HEATR5A: variants seen among roughly 807,000 people sequenced by gnomAD.
The protein encoded by HEATR5A is HEAT repeat-containing protein 5A.
HEATR5A carries 178 observed loss-of-function variants against 218.8 expected under a neutral mutation model. That is an observed-to-expected ratio of 0.81 (90% CI 0.72 to 0.92). The LOEUF (loss-of-function observed/expected upper bound fraction) is 0.92, where lower values mean the gene tolerates loss of function less well. Among genes scored for constraint, HEATR5A ranks in the 40% least tolerant of loss-of-function variants. The probability of loss-of-function intolerance (pLI) is 0.00; values close to 1 mark genes in which losing one functional copy is unlikely to be tolerated. For missense variants in HEATR5A, 2,420 were observed against 2,418.9 expected (o/e 1.00, Z -0.01); for synonymous variants, 864 against 871.6 (o/e 0.99, Z 0.15).
At chr14:31,366,559 G>A (rs1480466449) in intron 13 of HEATR5A, among the ~76,000 whole-genome samples, 1 of 152,092 alleles carries the variant, frequency 6.6e-6, no homozygotes, top group Admixed American at 6.6e-5. Flanking sequence ...CATTTTTATT[G>A]GTTTCTGCGT....
At chr14:31,382,864 C>T (rs1177274419) in intron 10 of HEATR5A, among the ~76,000 whole-genome samples, 4 of 150,978 alleles carry the variant, frequency 2.6e-5, no homozygotes, top group Non-Finnish European at 5.9e-5. Context: ...CCTTAAGTTA[C>T]CTCTTTTTAA....
At chr14:31,407,545 G>A (rs1363166169) in intron 1 of HEATR5A, among the ~76,000 whole-genome samples, 1 of 112,592 alleles carries the variant, frequency 8.9e-6, no homozygotes. Context: ...GTTCCAAGGA[G>A]AAACATTAAC....
chr14:31,326,251 C>A lies in HEATR5A; in HGVS notation c.3459G>T (p.Glu1153Asp), dbSNP rs1347819424. 2 of 1,613,112 alleles carry A rather than the reference C, an allele frequency of 1.2e-6. No individual in the cohort carries two copies. The highest frequency in any genetic ancestry group is 1.7e-6 in the Non-Finnish European group (2 of 1,179,234). ...TDERLCHDIK[E>D]TLNYMLTSMA... Reference sequence around the variant, plus strand: ...TAGATGTAAGCATATAATTTAAAGTCTCTTTGATATCATGGCATAATCTCT... The same window carrying A: ...TAGATGTAAGCATATAATTTAAAGTATCTTTGATATCATGGCATAATCTCT... Residue 1153 changes from glutamate to aspartate, a missense_variant, in exon 23 of 36, where the codon GAG becomes GAT. Transcript: ENST00000543095.
chr14:31,391,756 T>C (rs999666660), intron 6 of HEATR5A, among the ~76,000 whole-genome samples: 4 of 152,188 alleles, frequency 2.6e-5, no homozygotes, highest in Non-Finnish European at 5.9e-5. Flanking sequence ...TACTGTTCCT[T>C]TTCTATATTT....
In HEATR5A at chr14:31,296,082, T is replaced by C. The variant is rs1465217033; in HGVS notation, c.5465-19A>G. 8 of 1,606,634 alleles carry C rather than the reference T, an allele frequency of 5.0e-6. No homozygotes were observed. Among genetic ancestry groups the C allele is most frequent in the Non-Finnish European group, 6.8e-6 (8 of 1,174,180 alleles). On this transcript the variant is annotated intron_variant, in intron 33 of 35. Transcript: ENST00000543095. ...TCATCAACTAAAGAGAAATGCTCTA[T>C]TAGAAACAGTTCATATTTACTGCTT...
chr14:31,353,808 GT>G (rs937608481), intron 16 of HEATR5A, among the ~76,000 whole-genome samples: 3 of 135,292 alleles, frequency 2.2e-5, no homozygotes, highest in African/African-American at 7.5e-5. Context: ...GGCATTTTTT[GT>G]TTTTTTTTGA....
intron 9 of HEATR5A, among the ~76,000 whole-genome samples, chr14:31,385,571 G>A (rs920602732): frequency 6.6e-6 from 1 of 152,168 alleles, no homozygotes; most frequent in Admixed American, 6.6e-5. Context: ...GTCAGGGGCT[G>A]CGGCAAAGGG....
intron 23 of HEATR5A, among the ~76,000 whole-genome samples, chr14:31,324,139 A>G (rs1286358508): frequency 6.6e-6 from 1 of 152,186 alleles, no homozygotes; most frequent in East Asian, 1.9e-4. Context: ...AATCCCCTGC[A>G]AGTAGATGGA....
At chr14:31,306,195 A>G (rs1264180778) in intron 31 of HEATR5A, among the ~76,000 whole-genome samples, 1 of 152,192 alleles carries the variant, frequency 6.6e-6, no homozygotes, top group Non-Finnish European at 1.5e-5. Flanking sequence ...AAACCATGCC[A>G]GGCTAGGCAT....
intron 22 of HEATR5A, among the ~76,000 whole-genome samples, chr14:31,329,958 G>A (rs562126031): frequency 2.6e-5 from 4 of 152,146 alleles, no homozygotes; most frequent in Non-Finnish European, 5.9e-5. Context: ...TGATCCACCC[G>A]CCTTGGCCTC....
At chr14:31,336,797 C>A (rs1900686506) in intron 22 of HEATR5A, among the ~76,000 whole-genome samples, 1 of 152,156 alleles carries the variant, frequency 6.6e-6, no homozygotes, top group Admixed American at 6.6e-5. Flanking sequence ...CAGTGGCTCT[C>A]AAACTTTAGT....
chr14:31,406,176 C>T (rs1044974220), intron 1 of HEATR5A, among the ~76,000 whole-genome samples: 1 of 152,204 alleles, frequency 6.6e-6, no homozygotes, highest in Non-Finnish European at 1.5e-5. Context: ...AAAATAACCA[C>T]AACCCTACAT....
At chr14:31,385,291 G>T (rs2030169168) in intron 9 of HEATR5A, among the ~76,000 whole-genome samples, 1 of 152,002 alleles carries the variant, frequency 6.6e-6, no homozygotes, top group South Asian at 2.1e-4. Context: ...ACCATACCTG[G>T]CTAAGTTTTA....
In HEATR5A at chr14:31,305,143, T is replaced by C. The variant is rs1899514693; in HGVS notation, c.5001A>G (p.Pro1667=). ...DDGAAEKETL[P]EFGEGKDTGG... ...CGGTGTCCTTTCCCTCTCCAAACTC[T>C]GGCAGAGTTTCCTTTTCAGCAGCCC... Residue 1667 remains proline, a synonymous_variant, in exon 32 of 36, where the codon CCA becomes CCG. Transcript: ENST00000543095. 1 of 1,613,938 alleles carries C rather than the reference T, an allele frequency of 6.2e-7. No individual in the cohort carries two copies. The highest frequency in any genetic ancestry group is 1.1e-5 in the South Asian group (1 of 91,062).
At chr14:31,337,410 A>G in intron 22 of HEATR5A, 66 bp downstream of exon 22, 1 of 1,332,946 alleles carries the variant, frequency 7.5e-7, no homozygotes, top group African/African-American at 1.5e-5. Context: ...AAACTCATGT[A>G]TATATGGAAA....
At chr14:31,350,289 C>T (rs1398960917) in intron 17 of HEATR5A, among the ~76,000 whole-genome samples, 3 of 152,256 alleles carry the variant, frequency 2.0e-5, no homozygotes, top group East Asian at 3.9e-4. Context: ...TTATATTTTA[C>T]TGTACATAGA....
chr14:31,382,133 A>C (rs1275889696), intron 10 of HEATR5A, among the ~76,000 whole-genome samples: 1 of 152,240 alleles, frequency 6.6e-6, no homozygotes, highest in African/African-American at 2.4e-5. Flanking sequence ...TCCAAATATA[A>C]TATGGGAATG....
intron 25 of HEATR5A, among the ~76,000 whole-genome samples, chr14:31,319,670 G>C (rs1454640614): frequency 6.6e-6 from 1 of 152,162 alleles, no homozygotes; most frequent in Non-Finnish European, 1.5e-5. Context: ...TAATGATTTT[G>C]TTATCTTCCT....
chr14:31,407,011 C>T (rs898109241), intron 1 of HEATR5A, among the ~76,000 whole-genome samples: 2 of 142,316 alleles, frequency 1.4e-5, no homozygotes, highest in South Asian at 2.2e-4. Context: ...GAAGTAGGGC[C>T]GGGCACAGTG....
Sources: allele counts gnomAD v4.1 joint callset (sites outside exome capture counted in the v4.1 genomes callset), GRCh38; gene constraint gnomAD v4.1.1; transcripts MANE v1.5; gene names NCBI Gene and HGNC (gene_info 2026-07-23, HGNC 2026-07-21).